Variants in RNLS observed in about 807,000 individuals in gnomAD.
RNLS encodes the protein renalase, FAD dependent amine oxidase.
Under a neutral mutation model 39.8 loss-of-function variants are expected in RNLS, and 39 were observed. The ratio of observed to expected loss-of-function variants is 0.98; its 90% CI spans 0.76 to 1.28. The LOEUF is 1.28. Among genes scored for constraint, RNLS ranks in the 50% most tolerant of loss-of-function variants. The pLI is 0.00. For missense variants in RNLS, 410 were observed against 413.3 expected (o/e 0.99, Z 0.07); for synonymous variants, 147 against 150.7 (o/e 0.98, Z 0.18).
intron 4 of RNLS, among the ~76,000 whole-genome samples, chr10:88,394,936 T>C (rs958521545): frequency 2.0e-5 from 3 of 151,752 alleles, no homozygotes; most frequent in African/African-American, 7.3e-5. Context: ...AGCAAACTAT[T>C]GCAAGGACAA....
the RNLS span, among the ~76,000 whole-genome samples, chr10:88,254,254 A>T: frequency 1.3e-5 from 2 of 152,198 alleles, no homozygotes; most frequent in Admixed American, 1.3e-4. Context: ...GCCATGGTGT[A>T]ACTGTGACCC....
chr10:88,291,720 TC>T (rs1347937681), intron 6 of RNLS, among the ~76,000 whole-genome samples: 2 of 152,130 alleles, frequency 1.3e-5, no homozygotes, highest in African/African-American at 2.4e-5. Context: ...TTCTCTCCTT[TC>T]CCATTAAATT....
At chr10:88,282,540 T>C (rs1023497251), downstream of RNLS, among the ~76,000 whole-genome samples, 6 of 149,024 alleles carry the variant, frequency 4.0e-5, no homozygotes, top group Non-Finnish European at 8.9e-5. Context: ...TGGATGAGTA[T>C]AAAATGCCAG....
At chr10:88,273,990 A>G (rs1182836155) in exon 7 of RNLS, 1 of 152,200 alleles carries the variant, frequency 6.6e-6, no homozygotes, top group Admixed American at 6.5e-5. Flanking sequence ...GAGGCAAAAC[A>G]TGTTCATATA....
chr10:88,278,688 C>A (rs1036933078), intron 6 of RNLS, among the ~76,000 whole-genome samples: 2 of 152,132 alleles, frequency 1.3e-5, no homozygotes, highest in Non-Finnish European at 2.9e-5. Context: ...AACTCTCCCG[C>A]CTTCCCCCAA....
At chr10:88,255,466 C>CT in the RNLS span, among the ~76,000 whole-genome samples, 1 of 152,128 alleles carries the variant, frequency 6.6e-6, no homozygotes, top group African/African-American at 2.4e-5. Flanking sequence ...CACACACAGG[C>CT]TGCCTTGGGA....
At chr10:88,328,341 A>G (rs1011201732) in intron 5 of RNLS, among the ~76,000 whole-genome samples, 3 of 152,118 alleles carry the variant, frequency 2.0e-5, no homozygotes, top group Non-Finnish European at 2.9e-5. Flanking sequence ...AAATTTGCCA[A>G]TTTCTGCTTT....
intron 4 of RNLS, among the ~76,000 whole-genome samples, chr10:88,489,502 C>CA (rs1271660484): frequency 6.6e-6 from 1 of 152,170 alleles, no homozygotes; most frequent in Non-Finnish European, 1.5e-5. Flanking sequence ...AATACTAGGG[C>CA]AAGAGCCCTT....
At chr10:88,188,968 G>T in the RNLS span, among the ~76,000 whole-genome samples, 1 of 152,080 alleles carries the variant, frequency 6.6e-6, no homozygotes, top group African/African-American at 2.4e-5. Flanking sequence ...ACATCCCTTT[G>T]CTGGCAGCTA....
rs113600503 is a variant in RNLS, at chr10:88,485,955, A to T, written c.526+86948T>A. Among the ~76,000 whole-genome samples the T allele has an allele frequency of 2.9e-3, 446 of 152,220 alleles. 5 individuals carry two copies. Among genetic ancestry groups the T allele is most frequent in the African/African-American group, 0.01 (419 of 41,580 alleles). On this transcript the variant is annotated intron_variant, in intron 4 of 6. Coordinates refer to ENST00000331772, the MANE Select transcript of RNLS (RefSeq NM_001031709.3). Reference sequence around the variant, plus strand: ...CCAATAAAATATTAATTCTGATCAAAGAACAAATACTTAAATTGAACATCT... The same window carrying T: ...CCAATAAAATATTAATTCTGATCAATGAACAAATACTTAAATTGAACATCT...
chr10:88,241,561 T>C, the RNLS span, among the ~76,000 whole-genome samples: 10 of 152,346 alleles, frequency 6.6e-5, no homozygotes, highest in Non-Finnish European at 2.9e-5. Flanking sequence ...GGAGTTCATC[T>C]ACTTACTTTT....
intron 4 of RNLS, among the ~76,000 whole-genome samples, chr10:88,493,648 C>T (rs142076813): frequency 6.6e-6 from 1 of 152,048 alleles, no homozygotes; most frequent in African/African-American, 2.4e-5. Context: ...AGGGATAGAT[C>T]TATGAACTTA....
At chr10:88,371,436 T>C (rs1589672630) in intron 4 of RNLS, among the ~76,000 whole-genome samples, 1 of 152,098 alleles carries the variant, frequency 6.6e-6, no homozygotes, top group East Asian at 1.9e-4. Flanking sequence ...CTTTTCAGAG[T>C]AGAGAATAAA....
chr10:88,354,149 T>C (rs1848955004), intron 5 of RNLS, among the ~76,000 whole-genome samples: 1 of 152,230 alleles, frequency 6.6e-6, no homozygotes, highest in Non-Finnish European at 1.5e-5. Context: ...AGCACACTGA[T>C]GGGTCTTGAC....
At chr10:88,310,433 A>AT (rs919685990) in intron 6 of RNLS, among the ~76,000 whole-genome samples, 3 of 151,900 alleles carry the variant, frequency 2.0e-5, no homozygotes, top group Non-Finnish European at 4.4e-5. Flanking sequence ...GTGTACATGT[A>AT]TTTTTTTTAA....
intron 4 of RNLS, among the ~76,000 whole-genome samples, chr10:88,441,165 T>G (rs1236604631): frequency 6.6e-6 from 1 of 152,192 alleles, no homozygotes; most frequent in Non-Finnish European, 1.5e-5. Context: ...AATTCTTCTT[T>G]TCTATGCCTA....
At chr10:88,555,522 T>C (rs55854164) in intron 4 of RNLS, among the ~76,000 whole-genome samples, 2,023 of 152,176 alleles carry the variant, frequency 0.013, 48 homozygotes, top group African/African-American at 0.045. Context: ...GATGCTCCAG[T>C]TCCCCCTTCA....
At chr10:88,254,327 T>C in the RNLS span, among the ~76,000 whole-genome samples, 1 of 152,228 alleles carries the variant, frequency 6.6e-6, no homozygotes, top group African/African-American at 2.4e-5. Flanking sequence ...AGATGCAAGA[T>C]GAGTCAGAGT....
rs1174101263 is a variant in RNLS at position 88,321,534 on chromosome 10, A to C, written c.701-6893T>G. On this transcript the variant is annotated intron_variant, in intron 5 of 6. Coordinates refer to ENST00000331772, the MANE Select transcript of RNLS (RefSeq NM_001031709.3). ...AAAAGTTGGTTCTCTGAAAGGATGA[A>C]CAACATTGATAGACCAGTAGCTACA... is the stretch of plus-strand genomic sequence containing the variant. Among the ~76,000 whole-genome samples the C allele has an allele frequency of 2.0e-4, 30 of 152,210 alleles. 1 individual carries two copies. The highest frequency in any genetic ancestry group is 1.5e-5 in the Non-Finnish European group (1 of 68,034).
Sources: gnomAD v4.1 joint callset for allele counts (sites outside exome capture counted in the v4.1 genomes callset) on GRCh38, gnomAD v4.1.1 for gene constraint, MANE v1.5 for transcripts, NCBI Gene and HGNC (gene_info 2026-07-23, HGNC 2026-07-21) for gene names.